The following TBC1D9 variants were observed in gnomAD, a reference collection of about 807,000 sequenced individuals.
TBC1D9 encodes TBC1 domain family member 9, also known as TBC1 domain family member 9A.
A neutral mutation model predicts 132.0 loss-of-function variants in TBC1D9; 63 were observed. That is an observed-to-expected ratio of 0.48 (90% confidence interval 0.39 to 0.59). TBC1D9 has a LOEUF of 0.59. Among genes scored for constraint, TBC1D9 ranks in the 20% least tolerant of loss-of-function variants. TBC1D9 has a pLI of 0.00. For missense variants in TBC1D9, 1,261 were observed against 1,592.7 expected (o/e 0.79, Z 3.54); for synonymous variants, 610 against 609.9 (o/e 1.00, Z 0.00).
At chr4:140,642,026 A>G (rs1737007224) in intron 13 of TBC1D9, 2 of 654,814 alleles carry the variant, frequency 3.1e-6, no homozygotes, top group East Asian at 5.4e-5. Flanking sequence ...AGCAGCAAAC[A>G]AAACCACTGC....
chr4:140,644,472 T>C (rs562620067), intron 13 of TBC1D9: 138 of 300,628 alleles, frequency 4.6e-4, no homozygotes, highest in African/African-American at 3.2e-3. Context: ...CGCCTTGCCA[T>C]AGATGCTCGC....
Position 140,755,942 on chromosome 4 carries a change from T to A in TBC1D9, c.104A>T (p.Asp35Val), listed in dbSNP as rs1261149527. 2 of 1,587,130 alleles carry A rather than the reference T, an allele frequency of 1.3e-6. No individual in the cohort carries two copies. The highest frequency in any genetic ancestry group is 2.7e-5 in the African/African-American group (2 of 72,906). ...CGCCAGTCCGCCGCCGCCGCCTCCA[T>A]CGCCGGCGTGGCCCTTCCTCCGCTG... ...ILQRRKGHAGDGGGGGGLAGL... is the reference protein window; with the variant it reads ...ILQRRKGHAGVGGGGGGLAGL... Residue 35 changes from aspartate to valine, a missense_variant, in exon 1 of 21, where the codon GAT becomes GTT. Transcript: ENST00000442267.
At position 140,662,260 on chromosome 4, in the gene TBC1D9, G is replaced by A. The variant is rs370697936; in HGVS notation, c.1589-153C>T. Among the ~76,000 whole-genome samples the A allele has an allele frequency of 9.2e-5, 14 of 152,196 alleles. No individual in the cohort carries two copies. In the South Asian group the frequency reaches 1.4e-3, roughly 16 times the overall value. ...ATCACAGATGTGGTATGTTGCAATC[G>A]TGGCTAGACTGGTGAATTTGCCTGT... On this transcript the variant is annotated intron_variant, in intron 9 of 20. Coordinates refer to ENST00000442267, the MANE Select transcript of TBC1D9 (RefSeq NM_015130.3).
chr4:140,747,892 T>C (rs1738861663), intron 1 of TBC1D9, among the ~76,000 whole-genome samples: 2 of 152,154 alleles, frequency 1.3e-5, no homozygotes, highest in Non-Finnish European at 2.9e-5. Flanking sequence ...AGCTAGAAAA[T>C]ATATCAGTAC....
chr4:140,699,318 G>T (rs1328529944), intron 2 of TBC1D9, among the ~76,000 whole-genome samples: 1 of 152,192 alleles, frequency 6.6e-6, no homozygotes, highest in Non-Finnish European at 1.5e-5. Context: ...TACTCCTTAA[G>T]TATGGACTGC....
At chr4:140,652,584 A>ATT (rs1737202882) in intron 13 of TBC1D9, among the ~76,000 whole-genome samples, 3 of 152,194 alleles carry the variant, frequency 2.0e-5, no homozygotes, top group African/African-American at 7.2e-5. Context: ...CCTGGCTTTA[A>ATT]TGCAAGGGAG....
At chr4:140,723,253 T>C (rs1738450128) in intron 1 of TBC1D9, among the ~76,000 whole-genome samples, 1 of 152,322 alleles carries the variant, frequency 6.6e-6, no homozygotes, top group South Asian at 2.1e-4. Context: ...GGCTTCAACC[T>C]GCGTTACCAA....
chr4:140,709,595 T>C (rs1738207902), intron 1 of TBC1D9, among the ~76,000 whole-genome samples: 1 of 152,178 alleles, frequency 6.6e-6, no homozygotes, highest in African/African-American at 2.4e-5. Flanking sequence ...TTAATCTCAA[T>C]ATCTGTTCTT....
chr4:140,687,840 C>T (rs942689419), intron 2 of TBC1D9, among the ~76,000 whole-genome samples: 1 of 152,098 alleles, frequency 6.6e-6, no homozygotes, highest in African/African-American at 2.4e-5. Flanking sequence ...AATCCTGGCA[C>T]TTTGGGAGGC....
intron 8 of TBC1D9, among the ~76,000 whole-genome samples, 200 bp downstream of exon 8, chr4:140,669,423 CAAGACCAAAAG>C (rs1332220072): frequency 6.6e-6 from 1 of 152,126 alleles, no homozygotes; most frequent in East Asian, 1.9e-4. Context: ...AAAAACAAAA[CAAGACCAAAAG>C]AAGTCACCTG....
chr4:140,665,358 T>G (rs1218073318), intron 9 of TBC1D9, among the ~76,000 whole-genome samples: 1 of 152,152 alleles, frequency 6.6e-6, no homozygotes, highest in Non-Finnish European at 1.5e-5. Flanking sequence ...TGAACTTGTA[T>G]CTCAAATATG....
intron 1 of TBC1D9, among the ~76,000 whole-genome samples, chr4:140,725,668 G>A (rs1011992507): frequency 2.0e-5 from 3 of 152,098 alleles, no homozygotes; most frequent in Non-Finnish European, 4.4e-5. Flanking sequence ...TGCTGGATGC[G>A]GATCTCATCT....
At chr4:140,679,289 T>C in intron 4 of TBC1D9, 86 bp from the exon 5 acceptor site, 1 of 1,411,248 alleles carries the variant, frequency 7.1e-7, no homozygotes, top group Non-Finnish European at 9.7e-7. Flanking sequence ...CACTCCCCCA[T>C]CCCACTGAAC....
chr4:140,683,882 T>G (rs1217829307), intron 3 of TBC1D9, among the ~76,000 whole-genome samples: 2 of 152,220 alleles, frequency 1.3e-5, no homozygotes, highest in Non-Finnish European at 2.9e-5. Context: ...ACACAGCCTG[T>G]GGGTAAAGTT....
At chr4:140,625,715 T>C (rs1360310672) in intron 18 of TBC1D9, among the ~76,000 whole-genome samples, 1 of 152,208 alleles carries the variant, frequency 6.6e-6, no homozygotes, top group African/African-American at 2.4e-5. Flanking sequence ...AAAAACCACA[T>C]TTTCAAAGAA....
In TBC1D9 at chr4:140,709,219, ATCTC is replaced by A. The variant is rs145661338; in HGVS notation, c.131-7609_131-7606del. ...TACCTGTGGGGAAGGAACCAGCCTT[ATCTC>A]TCTCTCTCTCTCTCTCTCTCTCTCT... is the stretch of plus-strand genomic sequence containing the variant. On this transcript the variant is annotated intron_variant, in intron 1 of 20. Transcript: ENST00000442267. Among the ~76,000 whole-genome samples the A allele has an allele frequency of 2.8e-3, 244 of 88,224 alleles. 2 individuals carry two copies. Among genetic ancestry groups the A allele is most frequent in the East Asian group, 7.5e-3 (19 of 2,518 alleles). 57.9% of individuals were successfully genotyped at this position (88,224 alleles called of 152,430 possible).
In TBC1D9 at chr4:140,691,590, G is replaced by C. The variant is rs139951533; in HGVS notation, c.242-5128C>G. Among the ~76,000 whole-genome samples the C allele has an allele frequency of 1.1e-3, 166 of 152,314 alleles. 1 individual carries two copies. Among genetic ancestry groups the C allele is most frequent in the Non-Finnish European group, 1.8e-3 (124 of 68,022 alleles). ...GCAGGAAAAACAAGCTGACCCGATT[G>C]TGTAATCAGCTGGAATAACAAAGAA... is the stretch of plus-strand genomic sequence containing the variant. On this transcript the variant is annotated intron_variant, in intron 2 of 20. Coordinates refer to ENST00000442267, the MANE Select transcript of TBC1D9 (RefSeq NM_015130.3).
chr4:140,651,394 T>C (rs1378461721), intron 13 of TBC1D9, among the ~76,000 whole-genome samples: 4 of 152,048 alleles, frequency 2.6e-5, no homozygotes, highest in Non-Finnish European at 5.9e-5. Context: ...GCCTGGGAGG[T>C]AGAGGTTGGA....
intron 1 of TBC1D9, among the ~76,000 whole-genome samples, chr4:140,713,763 T>C (rs550612685): frequency 3.6e-5 from 5 of 139,822 alleles, no homozygotes; most frequent in African/African-American, 1.1e-4. Flanking sequence ...AAAAAAAAAC[T>C]ATATTTTTTA....
Sources: allele counts gnomAD v4.1 joint callset (sites outside exome capture counted in the v4.1 genomes callset), GRCh38; gene constraint gnomAD v4.1.1; transcripts MANE v1.5; gene names NCBI Gene and HGNC (gene_info 2026-07-23, HGNC 2026-07-21).